The following ABCC11 variants were observed in gnomAD, a reference collection of about 807,000 sequenced individuals.
The protein encoded by ABCC11 is ATP-binding cassette sub-family C member 11.
A neutral mutation model predicts 149.3 loss-of-function variants in ABCC11; 135 were observed. The observed-to-expected ratio is 0.90, with a 90% confidence interval of 0.79 to 1.04. The LOEUF is 1.04. ABCC11 is among the 50% of genes least tolerant of loss of function. The pLI is 0.00. For synonymous variants in ABCC11, 665 were observed against 671.4 expected (o/e 0.99, Z 0.15); for missense variants, 1,680 against 1,722.1 (o/e 0.98, Z 0.43).
At chr16:48,181,287 G>A (rs1204006775) in intron 23 of ABCC11, among the ~76,000 whole-genome samples, 1 of 152,228 alleles carries the variant, frequency 6.6e-6, no homozygotes, top group Non-Finnish European at 1.5e-5. Context: ...GAGAGAATGT[G>A]AGCCTGTGCA....
chr16:48,175,253 C>T lies in ABCC11; in HGVS notation c.3698+5G>A. 6.2e-7 allele frequency: 1 copy of T among 1,602,788 alleles called. No individual in the cohort carries two copies. The highest frequency in any genetic ancestry group is 8.5e-7 in the Non-Finnish European group (1 of 1,170,662). ...CTGCAGGCTGCCTGCTGGCCCGGCA[C>T]TCACCTGATGGTTCCTGAGAGCAGC... On this transcript the variant is annotated splice_donor_5th_base_variant and intron_variant, in intron 26 of 29. Coordinates refer to ENST00000356608, the MANE Select transcript of ABCC11 (RefSeq NM_001370497.1).
In ABCC11 at chr16:48,175,433, C is replaced by T. The variant is rs374547350; in HGVS notation, c.3539-16G>A. 4.4e-6 allele frequency: 7 copies of T among 1,596,284 alleles called. No homozygotes were observed. Among genetic ancestry groups the T allele is most frequent in the Non-Finnish European group, 6.0e-6 (7 of 1,166,056 alleles). ...GAGGACTTCCCTGTGGGGCAAGAAA[C>T]AAGCGGGGCCTCAGTTTCCTGCATC... On this transcript the variant is annotated splice_polypyrimidine_tract_variant and intron_variant, in intron 25 of 29. Coordinates refer to ENST00000356608, the MANE Select transcript of ABCC11 (RefSeq NM_001370497.1).
rs751270528 is a variant in ABCC11 at position 48,165,965 on chromosome 16, G to A, written c.*1309C>T. 3.3e-5 allele frequency: 5 copies of A among 152,224 alleles called. No homozygotes were observed. The highest frequency in any genetic ancestry group is 6.5e-5 in the Admixed American group (1 of 15,286). 9.4% of individuals were successfully genotyped at this position (152,224 alleles called of 1,614,324 possible). A position where few individuals can be genotyped will look rare whatever the true frequency, so the allele number is the denominator to read the frequency against. ...TGGGGGAGTGAGAACAAGAAAGAGA[G>A]AAAACAAATTATTTTATTTTCAGTT... On this transcript the variant is annotated 3_prime_UTR_variant, in exon 30 of 30. Transcript: ENST00000356608.
intron 1 of ABCC11, among the ~76,000 whole-genome samples, chr16:48,234,870 TAGACAAA>T (rs1406138645): frequency 2.6e-5 from 4 of 152,108 alleles, no homozygotes; most frequent in Non-Finnish European, 1.5e-5. Flanking sequence ...AGTGAGCAAG[TAGACAAA>T]AGACCTCCCC....
rs746920060 is a variant in ABCC11 at position 48,215,283 on chromosome 16, C to A, written c.1013G>T (p.Arg338Leu). ...QHHTSEVSDQ[R>L]IRVTSEVLTC... ...GAGAACTTCACTGGTCACACGGATG[C>A]GCTGGTCGCTGACCTCAGATGTGTG... Residue 338 changes from arginine (R) to leucine (L), a missense_variant, in exon 8 of 30, where the codon CGC becomes CTC. Physicochemically the swap from Arg to Leu is moderately radical, Grantham distance 102. Coordinates refer to ENST00000356608, the MANE Select transcript of ABCC11 (RefSeq NM_001370497.1). 101 of 1,614,000 alleles carry A rather than the reference C, an allele frequency of 6.3e-5. 2 individuals are homozygous for A. In the Admixed American group the frequency reaches 1.7e-3, roughly 26 times the overall value.
intron 1 of ABCC11, among the ~76,000 whole-genome samples, chr16:48,238,302 A>C (rs780083669): frequency 1.3e-5 from 2 of 152,174 alleles, no homozygotes; most frequent in Non-Finnish European, 2.9e-5. Context: ...ACATATAAAC[A>C]CACAGTTCTG....
intron 28 of ABCC11, among the ~76,000 whole-genome samples, chr16:48,169,774 G>C (rs1193374594): frequency 9.0e-6 from 1 of 111,032 alleles, no homozygotes; most frequent in East Asian, 3.1e-4. Context: ...CGTGGGGTGG[G>C]GGGAGGGGGG....
intron 20 of ABCC11, among the ~76,000 whole-genome samples, chr16:48,189,543 C>T (rs1966853564): frequency 6.6e-6 from 1 of 152,096 alleles, no homozygotes; most frequent in Non-Finnish European, 1.5e-5. Context: ...CATGAAAGGA[C>T]TGGAAAAAGG....
intron 24 of ABCC11, 81 bp downstream of exon 24, chr16:48,178,516 G>A: frequency 7.5e-7 from 1 of 1,336,606 alleles, no homozygotes; most frequent in Non-Finnish European, 1.1e-6. Context: ...GGGCTCTGAG[G>A]CCAGTGGGGC....
At chr16:48,182,782 C>CAAAAAA in intron 23 of ABCC11, among the ~76,000 whole-genome samples, 1 of 73,456 alleles carries the variant, frequency 1.4e-5, no homozygotes, top group Non-Finnish European at 2.8e-5. Flanking sequence ...GACTCCATCT[C>CAAAAAA]AAAAAAAAAA....
chr16:48,232,181 C>T (rs1252001415), intron 1 of ABCC11: 1 of 791,248 alleles, frequency 1.3e-6, no homozygotes, highest in Non-Finnish European at 1.7e-6. Context: ...CTCCCCAACC[C>T]ACCCCCAACA....
In ABCC11 at chr16:48,197,181, C is replaced by T. The variant is rs562307988; in HGVS notation, c.2314+790G>A. On this transcript the variant is annotated intron_variant, in intron 17 of 29. Transcript: ENST00000356608. ...CTCTACTAAAAATACAAAAATTAGC[C>T]GGTGTGGTGGTGCGTGCCTGTAGTC... Among the ~76,000 whole-genome samples, 9 of 152,094 alleles carry T rather than the reference C, an allele frequency of 5.9e-5. No individual in the cohort carries two copies. In the South Asian group the frequency reaches 1.0e-3, roughly 18 times the overall value.
chr16:48,204,708 G>A (rs1968282368), intron 13 of ABCC11, among the ~76,000 whole-genome samples: 2 of 152,156 alleles, frequency 1.3e-5, no homozygotes, highest in South Asian at 4.1e-4. Context: ...GTTGTTCCCG[G>A]GGGCAGATTG....
intron 1 of ABCC11, among the ~76,000 whole-genome samples, chr16:48,239,555 G>A (rs1386288110): frequency 1.7e-4 from 19 of 112,944 alleles, no homozygotes; most frequent in Non-Finnish European, 5.1e-5. Flanking sequence ...GAGCGAGACT[G>A]TGTCACAAAA....
chr16:48,213,417 C>T lies in ABCC11; in HGVS notation c.1356+26G>A, dbSNP rs201289660. On this transcript the variant is annotated intron_variant, in intron 10 of 29. Transcript: ENST00000356608. ...GCAGAGGAGCGTCCAAGCAGGGGGC[C>T]TACAGCCAGTCCCCTGATGACCTAC... 785 of 1,594,984 alleles carry T rather than the reference C, an allele frequency of 4.9e-4. 3 individuals are homozygous for T. Among genetic ancestry groups the T allele is most frequent in the Middle Eastern group, 3.8e-3 (23 of 6,020 alleles).
At chr16:48,187,890 C>G (rs575110747) in intron 20 of ABCC11, among the ~76,000 whole-genome samples, 2 of 152,062 alleles carry the variant, frequency 1.3e-5, no homozygotes, top group African/African-American at 4.8e-5. Context: ...AGGGTTTGAA[C>G]GCCAGACCAA....
intron 15 of ABCC11, among the ~76,000 whole-genome samples, chr16:48,199,372 C>T (rs967013251): frequency 6.6e-6 from 1 of 151,048 alleles, no homozygotes; most frequent in African/African-American, 2.4e-5. Context: ...TTTTCTAAAC[C>T]TTGTTTAGGT....
rs576330865 is a variant in ABCC11, at chr16:48,170,351, C to A, written c.3778-133G>T. On this transcript the variant is annotated intron_variant, in intron 27 of 29. Transcript: ENST00000356608. ...CTACGCTCCAGCCTCTGTTTTCTTG[C>A]TCCTTAACTGCGCCTTGCTCACTCT... 3.4e-4 allele frequency: 248 copies of A among 725,078 alleles called. No individual in the cohort carries two copies. The African/African-American group carries it at 3.8e-3, about 11-fold the overall frequency. The allele number at this position is 725,078 out of a possible 1,614,324, so 44.9% of individuals were successfully genotyped here.
At chr16:48,229,973 C>T (rs1053888464) in intron 3 of ABCC11, among the ~76,000 whole-genome samples, 1 of 152,212 alleles carries the variant, frequency 6.6e-6, no homozygotes, top group Admixed American at 6.5e-5. Flanking sequence ...CCTACTCTTG[C>T]TTAGGAAATT....
Sources: gnomAD v4.1 joint callset for allele counts (sites outside exome capture counted in the v4.1 genomes callset) on GRCh38, gnomAD v4.1.1 for gene constraint, MANE v1.5 for transcripts, NCBI Gene and HGNC (gene_info 2026-07-23, HGNC 2026-07-21) for gene names.